TOX: variants seen among roughly 807,000 people sequenced by gnomAD.
TOX encodes the protein thymocyte selection associated high mobility group box, also known as thymocyte selection-associated high mobility group box protein TOX.
A neutral mutation model predicts 53.7 loss-of-function variants in TOX; 11 were observed. The observed-to-expected ratio is 0.20, with a 90% CI of 0.13 to 0.34. The LOEUF is 0.34. Among genes scored for constraint, TOX ranks in the 10% least tolerant of loss-of-function variants. The pLI, the probability that TOX is intolerant of heterozygous loss-of-function variation, is 1.00. For missense variants in TOX, 570 were observed against 664.6 expected, an observed-to-expected ratio of 0.86 and a Z score of 1.56; for synonymous variants, 225 against 245.3, an observed-to-expected ratio of 0.92 and a Z score of 0.77.
At chr8:59,000,344 T>C (rs1351175107) in intron 1 of TOX, among the ~76,000 whole-genome samples, 3 of 152,146 alleles carry the variant, frequency 2.0e-5, no homozygotes, top group Non-Finnish European at 4.4e-5. Flanking sequence ...ATAATAATTA[T>C]AGTGAAGACA....
At chr8:58,818,636 CA>C (rs139035743) in intron 6 of TOX, among the ~76,000 whole-genome samples, 22,587 of 152,158 alleles carry the variant, frequency 0.15, 2,003 homozygotes, top group Non-Finnish European at 0.2. Flanking sequence ...AGCAATCCTC[CA>C]GGCAGCCACC....
At chr8:59,055,062 A>T (rs953503525) in intron 1 of TOX, among the ~76,000 whole-genome samples, 6 of 152,204 alleles carry the variant, frequency 3.9e-5, no homozygotes, top group African/African-American at 1.4e-4. Flanking sequence ...TCATTGTAGT[A>T]GCTTACAGTT....
At chr8:58,886,290 G>C (rs189362772) in intron 3 of TOX, among the ~76,000 whole-genome samples, 6 of 152,252 alleles carry the variant, frequency 3.9e-5, no homozygotes, top group Admixed American at 3.9e-4. Flanking sequence ...ATTAAGGAAA[G>C]CTACAATAGA....
intron 3 of TOX, among the ~76,000 whole-genome samples, chr8:58,894,640 TC>T (rs1563381831): frequency 6.6e-6 from 1 of 152,222 alleles, no homozygotes; most frequent in Non-Finnish European, 1.5e-5. Context: ...AAGCCTGTAA[TC>T]CCAGCACTTT....
chr8:58,839,698 G>A (rs1810611569), intron 4 of TOX, among the ~76,000 whole-genome samples: 1 of 152,178 alleles, frequency 6.6e-6, no homozygotes, highest in African/African-American at 2.4e-5. Context: ...AAGTGTCAAT[G>A]CAGCTTCTGT....
intron 1 of TOX, among the ~76,000 whole-genome samples, chr8:59,094,922 T>C (rs929137611): frequency 4.6e-5 from 7 of 152,212 alleles, no homozygotes; most frequent in Non-Finnish European, 8.8e-5. Context: ...GTCACTACAT[T>C]TGGTAGTGGC....
chr8:59,012,202 C>T (rs1228219199), intron 1 of TOX, among the ~76,000 whole-genome samples: 1 of 152,124 alleles, frequency 6.6e-6, no homozygotes, highest in Non-Finnish European at 1.5e-5. Flanking sequence ...TTAAGCCAAT[C>T]ACCAATCTAA....
At chr8:58,859,558 C>A (rs1423700849) in intron 3 of TOX, among the ~76,000 whole-genome samples, 1 of 152,088 alleles carries the variant, frequency 6.6e-6, no homozygotes, top group Non-Finnish European at 1.5e-5. Context: ...AAAGTAAGAA[C>A]CCTGGAGCAC....
intron 1 of TOX, among the ~76,000 whole-genome samples, chr8:59,086,566 C>T (rs779940586): frequency 1.6e-4 from 24 of 152,130 alleles, no homozygotes; most frequent in Non-Finnish European, 2.8e-4. Context: ...ATTCCAGGGA[C>T]GTAAAATCAT....
intron 1 of TOX, among the ~76,000 whole-genome samples, chr8:59,115,972 G>A (rs2129425256): frequency 6.6e-6 from 1 of 152,134 alleles, no homozygotes; most frequent in South Asian, 2.1e-4. Context: ...AATCTATAGA[G>A]CAGCAGTGCC....
intron 1 of TOX, among the ~76,000 whole-genome samples, chr8:58,962,374 A>G (rs1405982445): frequency 1.3e-5 from 2 of 152,208 alleles, no homozygotes; most frequent in East Asian, 3.8e-4. Context: ...GTATTAACTG[A>G]TTTAAGCATC....
chr8:59,091,135 T>C (rs561945334), intron 1 of TOX, among the ~76,000 whole-genome samples: 1 of 152,268 alleles, frequency 6.6e-6, no homozygotes, highest in East Asian at 1.9e-4. Context: ...GTAAATGCAG[T>C]GAAAGAGCCC....
chr8:59,005,062 A>C lies in TOX; in HGVS notation c.103-45054T>G, dbSNP rs150400210. Among the ~76,000 whole-genome samples, 886 of 150,494 alleles carry C rather than the reference A, an allele frequency of 5.9e-3. 5 individuals carry two copies. The highest frequency in any genetic ancestry group is 0.021 in the African/African-American group (846 of 40,888). ...TCATTTTCTTTTTTTTTTTTGAGACAGACTCTCGCTCTGTCGCCCAGGCTA... is the reference window on the plus strand; with the variant it reads ...TCATTTTCTTTTTTTTTTTTGAGACCGACTCTCGCTCTGTCGCCCAGGCTA... On this transcript the variant is annotated intron_variant, in intron 1 of 8. Transcript: ENST00000361421.
intron 1 of TOX, among the ~76,000 whole-genome samples, chr8:59,064,631 C>T (rs1233223685): frequency 6.6e-6 from 1 of 152,026 alleles, no homozygotes; most frequent in African/African-American, 2.4e-5. Flanking sequence ...TTGCACTATT[C>T]TAGGGAACAT....
intron 1 of TOX, among the ~76,000 whole-genome samples, chr8:59,032,508 C>A (rs1269976014): frequency 6.6e-6 from 1 of 152,180 alleles, no homozygotes; most frequent in African/African-American, 2.4e-5. Context: ...GGAACTTCTG[C>A]CCATGCCATC....
At chr8:58,828,344 C>T (rs1585847359) in intron 5 of TOX, among the ~76,000 whole-genome samples, 1 of 152,114 alleles carries the variant, frequency 6.6e-6, no homozygotes, top group African/African-American at 2.4e-5. Context: ...GGGGCTTCAG[C>T]CTTGACTTCT....
chr8:58,879,351 T>C (rs920816345), intron 3 of TOX, among the ~76,000 whole-genome samples: 4 of 152,154 alleles, frequency 2.6e-5, no homozygotes, highest in Admixed American at 6.5e-5. Flanking sequence ...ATTTAGAAAT[T>C]ACACTCAAGT....
intron 3 of TOX, among the ~76,000 whole-genome samples, chr8:58,936,009 C>T (rs951703397): frequency 3.3e-5 from 5 of 152,166 alleles, no homozygotes; most frequent in Non-Finnish European, 7.3e-5. Context: ...GCGCCAGCGG[C>T]TTTCCATAAC....
chr8:59,112,191 C>T (rs1805028056), intron 1 of TOX, among the ~76,000 whole-genome samples: 1 of 152,122 alleles, frequency 6.6e-6, no homozygotes, highest in Admixed American at 6.5e-5. Context: ...AACATCGAAG[C>T]ACAGAGTAAT....
Sources: allele counts gnomAD v4.1 joint callset (sites outside exome capture counted in the v4.1 genomes callset), GRCh38; gene constraint gnomAD v4.1.1; transcripts MANE v1.5; gene names NCBI Gene and HGNC (gene_info 2026-07-23, HGNC 2026-07-21).